Variants in RBM34 observed in about 807,000 individuals in gnomAD.
RBM34 encodes the protein RNA-binding protein 34.
Under a neutral mutation model 44.6 loss-of-function variants are expected in RBM34, and 39 were observed. That is an observed-to-expected ratio of 0.87 (90% CI 0.68 to 1.14). The LOEUF (loss-of-function observed/expected upper bound fraction) is 1.14, where lower values mean the gene tolerates loss of function less well. RBM34 is among the 50% of genes most tolerant of loss of function. The pLI, the probability that RBM34 is intolerant of heterozygous loss-of-function variation, is 0.00. For missense variants in RBM34, 572 were observed against 517.9 expected, an observed-to-expected ratio of 1.10 and a Z score of -1.01; for synonymous variants, 194 against 184.0, an observed-to-expected ratio of 1.05 and a Z score of -0.44.
chr1:235,146,226 G>T (rs1054166264), intron 6 of RBM34, among the ~76,000 whole-genome samples: 1 of 152,038 alleles, frequency 6.6e-6, no homozygotes, highest in Non-Finnish European at 1.5e-5. Context: ...GATTACAGGC[G>T]TGAGCCACTG....
chr1:235,139,781 C>T (rs968181983), intron 6 of RBM34, among the ~76,000 whole-genome samples: 3 of 152,360 alleles, frequency 2.0e-5, no homozygotes, highest in South Asian at 2.1e-4. Context: ...AAGGACAGGC[C>T]TGCTTCCTCC....
At chr1:235,149,345 C>T (rs1309759227) in intron 5 of RBM34, among the ~76,000 whole-genome samples, 12 of 142,468 alleles carry the variant, frequency 8.4e-5, no homozygotes, top group African/African-American at 8.0e-5. Flanking sequence ...GCCCAGATGG[C>T]ACCACTGCAC....
intron 9 of RBM34, 32 bp downstream of exon 9, chr1:235,136,002 A>G: frequency 1.3e-6 from 2 of 1,490,048 alleles, no homozygotes; most frequent in Non-Finnish European, 1.8e-6. Context: ...TTATTTAGTA[A>G]TATTAACTGT....
intron 4 of RBM34, among the ~76,000 whole-genome samples, chr1:235,153,493 T>C (rs561584610): frequency 6.6e-6 from 1 of 152,082 alleles, no homozygotes; most frequent in South Asian, 2.1e-4. Flanking sequence ...TGGCACGATC[T>C]TGGCTTCTGC....
In RBM34 at chr1:235,131,652, G is replaced by C. The variant is rs1180109218; in HGVS notation, c.*61C>G. 1.0e-5 allele frequency: 15 copies of C among 1,475,682 alleles called. No homozygotes were observed. Among genetic ancestry groups the C allele is most frequent in the Non-Finnish European group, 1.4e-5 (15 of 1,093,742 alleles). 91.4% of individuals were successfully genotyped at this position (1,475,682 alleles called of 1,614,324 possible). ...ACATGAATAGCAGACGATGCTATCAGCAGATAATAGCACTTTTATTAGCAG... is the reference window on the plus strand; with the variant it reads ...ACATGAATAGCAGACGATGCTATCACCAGATAATAGCACTTTTATTAGCAG... On this transcript the variant is annotated 3_prime_UTR_variant, in exon 11 of 11. Transcript: ENST00000408888.
At chr1:235,146,569 T>C (rs946071817) in intron 6 of RBM34, among the ~76,000 whole-genome samples, 1 of 152,160 alleles carries the variant, frequency 6.6e-6, no homozygotes, top group African/African-American at 2.4e-5. Flanking sequence ...CTAAAAACAC[T>C]TGCCTAGGGT....
chr1:235,154,057 T>C (rs947842966), intron 4 of RBM34, among the ~76,000 whole-genome samples: 1 of 151,954 alleles, frequency 6.6e-6, no homozygotes, highest in Non-Finnish European at 1.5e-5. Context: ...CCATCCTGGC[T>C]AGCACAGTGA....
chr1:235,138,236 A>G, intron 6 of RBM34, 62 bp from the exon 7 acceptor site: 1 of 1,360,742 alleles, frequency 7.3e-7, no homozygotes, highest in East Asian at 2.3e-5. Context: ...CTTAGCCTCA[A>G]AGTCACTAGA....
chr1:235,160,175 C>G (rs1662636229), intron 3 of RBM34: 2 of 437,984 alleles, frequency 4.6e-6, no homozygotes, highest in East Asian at 6.6e-5. Flanking sequence ...TCGCTTGAAC[C>G]TGGGAAGCGG....
chr1:235,157,121 T>C (rs1021463101), intron 3 of RBM34, among the ~76,000 whole-genome samples: 5 of 152,152 alleles, frequency 3.3e-5, no homozygotes, highest in African/African-American at 1.2e-4. Flanking sequence ...GATTTTATCC[T>C]ACTGAAGATG....
chr1:235,148,277 C>A, intron 6 of RBM34, 127 bp downstream of exon 6: 1 of 566,138 alleles, frequency 1.8e-6, no homozygotes, highest in Non-Finnish European at 2.9e-6. Flanking sequence ...CAGAAGCAAA[C>A]AGTCAATCAT....
rs777912571 is a variant in RBM34 at position 235,160,923 on chromosome 1, C to G, written c.198G>C (p.Gln66His). 3 of 1,614,156 alleles carry G rather than the reference C, an allele frequency of 1.9e-6. No individual in the cohort carries two copies. Among genetic ancestry groups the G allele is most frequent in the African/African-American group, 2.7e-5 (2 of 75,038 alleles). Residue 66 changes from glutamine to histidine, a missense_variant, in exon 2 of 11, where the codon CAG becomes CAC. Physicochemically the swap from Gln to His is conservative, Grantham distance 24. Coordinates refer to ENST00000408888, the MANE Select transcript of RBM34 (RefSeq NM_015014.4). The part of the protein sequence containing the change: ...LASLFSSLEP[Q>H]IQPVYVPVPK... ...GCACAGGCACGTACACGGGTTGAAT[C>G]TGGGGCTCCAGAGAACTGAAGAGGG...
chr1:235,158,392 G>C (rs940783603), intron 3 of RBM34, among the ~76,000 whole-genome samples: 1 of 151,446 alleles, frequency 6.6e-6, no homozygotes, highest in African/African-American at 2.4e-5. Context: ...CTCCAGCCTG[G>C]GCGACAACAG....
In RBM34 at chr1:235,161,004, GGCGACCT is replaced by G. The variant is rs1403037785; in HGVS notation, c.110_116del (p.Gln37ProfsTer68). Reference sequence around the variant, plus strand: ...GGTGTTCGCCGCGAAATAAGCTACTGGCGACCTGTCCAAGCCTGTAGTCTTCCGGCGG... The same window carrying G: ...GGTGTTCGCCGCGAAATAAGCTACTGGTCCAAGCCTGTAGTCTTCCGGCGG... On this transcript the variant is annotated frameshift_variant, in exon 2 of 11. Coordinates refer to ENST00000408888, the MANE Select transcript of RBM34 (RefSeq NM_015014.4). LOFTEE classifies it high-confidence loss of function. 1.2e-6 allele frequency: 2 copies of G among 1,614,124 alleles called. No homozygotes were observed. Among genetic ancestry groups the G allele is most frequent in the South Asian group, 2.2e-5 (2 of 91,082 alleles).
rs746399225 is a variant in RBM34 at position 235,160,946 on chromosome 1, G to A, written c.175C>T (p.Leu59Phe). ...ATCTGGGGCTCCAGAGAACTGAAGA[G>A]GGACGCCAGCCGACCGGTGCCACCT... ...SRGGTGRLASLFSSLEPQIQP... is the reference protein window; with the variant it reads ...SRGGTGRLASFFSSLEPQIQP... The change falls in exon 2 of 11, where the codon CTC becomes TTC. Residue 59 changes from leucine (L) to phenylalanine (F), a missense_variant. Coordinates refer to ENST00000408888, the MANE Select transcript of RBM34 (RefSeq NM_015014.4). 4 of 1,614,160 alleles carry A rather than the reference G, an allele frequency of 2.5e-6. No individual in the cohort carries two copies. The East Asian group carries it at 6.7e-5, about 27-fold the overall frequency.
chr1:235,152,404 A>G (rs1438624993), intron 5 of RBM34: 1 of 885,396 alleles, frequency 1.1e-6, no homozygotes, highest in African/African-American at 1.8e-5. Context: ...AGCAATGATA[A>G]TCAGTATTAA....
chr1:235,149,198 C>A (rs1282368134), intron 5 of RBM34, among the ~76,000 whole-genome samples: 1 of 151,624 alleles, frequency 6.6e-6, no homozygotes, highest in Non-Finnish European at 1.5e-5. Context: ...ACCATCCTGG[C>A]TAACACGGTG....
intron 8 of RBM34, among the ~76,000 whole-genome samples, chr1:235,136,361 G>A (rs1273534929): frequency 2.0e-5 from 3 of 152,206 alleles, no homozygotes; most frequent in Non-Finnish European, 4.4e-5. Flanking sequence ...TAAAGGGCCA[G>A]ATAGCAAATA....
intron 6 of RBM34, among the ~76,000 whole-genome samples, chr1:235,140,758 G>A (rs889535503): frequency 8.5e-5 from 13 of 152,248 alleles, no homozygotes; most frequent in African/African-American, 2.9e-4. Context: ...CTGGGCTCCC[G>A]AGTCTGGTGG....
Sources: gnomAD v4.1 joint callset for allele counts (sites outside exome capture counted in the v4.1 genomes callset) on GRCh38, gnomAD v4.1.1 for gene constraint, MANE v1.5 for transcripts, NCBI Gene and HGNC (gene_info 2026-07-23, HGNC 2026-07-21) for gene names.